Variants in ACCSL observed in about 807,000 individuals in gnomAD.
ACCSL encodes probable inactive 1-aminocyclopropane-1-carboxylate synthase-like protein 2.
A neutral mutation model predicts 61.7 loss-of-function variants in ACCSL; 55 were observed. The observed-to-expected ratio is 0.89, with a 90% CI of 0.72 to 1.12. The LOEUF (loss-of-function observed/expected upper bound fraction) is 1.12. Ranked by LOEUF, ACCSL falls within the 50% of genes most tolerant of loss-of-function variation. The pLI is 0.00. For missense variants in ACCSL, 632 were observed against 698.0 expected, an observed-to-expected ratio of 0.91 and a Z score of 1.07; for synonymous variants, 258 against 264.3, an observed-to-expected ratio of 0.98 and a Z score of 0.23.
At chr11:43,995,668 C>T in the ACCSL span, among the ~76,000 whole-genome samples, 1 of 151,970 alleles carries the variant, frequency 6.6e-6, no homozygotes, top group Non-Finnish European at 1.5e-5. Context: ...AGCTCTGTAC[C>T]CAAGTGGACA....
chr11:44,000,537 AAG>A, the ACCSL span, among the ~76,000 whole-genome samples: 1 of 146,204 alleles, frequency 6.8e-6, no homozygotes, highest in Non-Finnish European at 1.5e-5. Context: ...AAAAAAAAAA[AAG>A]AAAAGAAAAC....
chr11:43,933,905 C>T, the ACCSL span, among the ~76,000 whole-genome samples: 1 of 152,174 alleles, frequency 6.6e-6, no homozygotes, highest in African/African-American at 2.4e-5. Context: ...ACCAGCCCTG[C>T]CATGGCAGCC....
At chr11:44,058,900 C>G (rs1475706091) in intron 13 of ACCSL, among the ~76,000 whole-genome samples, 1 of 152,112 alleles carries the variant, frequency 6.6e-6, no homozygotes, top group Non-Finnish European at 1.5e-5. Flanking sequence ...TTTGGGGTAT[C>G]TGTTCTGTGA....
chr11:44,010,955 T>C, the ACCSL span, among the ~76,000 whole-genome samples: 1 of 152,204 alleles, frequency 6.6e-6, no homozygotes, highest in African/African-American at 2.4e-5. Context: ...GCAAATTGCA[T>C]GATGGAAAAG....
At chr11:43,943,313 C>A in the ACCSL span, 1 of 1,439,574 alleles carries the variant, frequency 6.9e-7, no homozygotes, top group Non-Finnish European at 9.1e-7. This position sits in a 1 kb window ranked among gnomAD's most constrained non-coding sequence, Gnocchi z 4.8. Flanking sequence ...GTCCGCGGTC[C>A]GCGCGGGGAC....
chr11:44,022,903 A>G, the ACCSL span, among the ~76,000 whole-genome samples: 11 of 152,128 alleles, frequency 7.2e-5, no homozygotes, highest in African/African-American at 2.2e-4. Context: ...GTTTGTGTTG[A>G]TTCTTCTTTA....
chr11:43,943,534 C>A, the ACCSL span: 1 of 1,326,396 alleles, frequency 7.5e-7, no homozygotes, highest in Non-Finnish European at 1.0e-6. This position sits in a 1 kb window ranked among gnomAD's most constrained non-coding sequence, Gnocchi z 4.8. Flanking sequence ...CCAGTGCGAA[C>A]TCTGCTGTGA....
the ACCSL span, among the ~76,000 whole-genome samples, chr11:43,933,605 G>A: frequency 6.6e-6 from 1 of 152,216 alleles, no homozygotes; most frequent in Non-Finnish European, 1.5e-5. Flanking sequence ...TCCCAGAAGA[G>A]GAACACTCAG....
chr11:43,981,156 T>C, the ACCSL span, among the ~76,000 whole-genome samples: 1 of 152,160 alleles, frequency 6.6e-6, no homozygotes, highest in Non-Finnish European at 1.5e-5. Context: ...ACGCCACTGA[T>C]GTGGGCAGGT....
the ACCSL span, among the ~76,000 whole-genome samples, chr11:43,987,792 G>T: frequency 6.6e-6 from 1 of 152,324 alleles, no homozygotes; most frequent in East Asian, 1.9e-4. Context: ...CCAGCGCTCG[G>T]GGGGGTCAAG....
At chr11:43,951,911 G>A in the ACCSL span, among the ~76,000 whole-genome samples, 1 of 152,180 alleles carries the variant, frequency 6.6e-6, no homozygotes, top group East Asian at 1.9e-4. Context: ...TGAGGCAGGA[G>A]AATCACTTGA....
the ACCSL span, chr11:43,922,158 T>G: frequency 3.3e-5 from 5 of 152,362 alleles, no homozygotes; most frequent in African/African-American, 9.6e-5. Flanking sequence ...TCTTCTGAGC[T>G]TCAGCAGGCA....
chr11:44,045,833 C>T (rs965730075), upstream of ACCSL, among the ~76,000 whole-genome samples: 1 of 152,176 alleles, frequency 6.6e-6, no homozygotes, highest in African/African-American at 2.4e-5. Context: ...AAAGAGCTGT[C>T]CCATCTTTGA....
chr11:43,933,198 G>A, the ACCSL span: 3 of 455,938 alleles, frequency 6.6e-6, no homozygotes, highest in African/African-American at 6.0e-5. Context: ...TCATGGTTTG[G>A]TAGGAGCAGC....
the ACCSL span, among the ~76,000 whole-genome samples, chr11:44,006,499 A>AT: frequency 1.2e-3 from 103 of 89,350 alleles, no homozygotes; most frequent in Middle Eastern, 6.1e-3. Flanking sequence ...CCTCTTTGAG[A>AT]TTTTTTTTTT....
the ACCSL span, among the ~76,000 whole-genome samples, chr11:43,979,568 G>A: frequency 1.3e-3 from 191 of 152,190 alleles, no homozygotes; most frequent in African/African-American, 4.5e-3. Context: ...CTCATTTTAT[G>A]CCCTGAATAG....
At chr11:44,009,713 C>T in the ACCSL span, among the ~76,000 whole-genome samples, 8 of 151,916 alleles carry the variant, frequency 5.3e-5, no homozygotes, top group South Asian at 2.1e-4. Flanking sequence ...TGCAGTGAGC[C>T]GTGATCGCAC....
chr11:44,042,626 G>A, the ACCSL span, among the ~76,000 whole-genome samples: 1 of 40,326 alleles, frequency 2.5e-5, no homozygotes, highest in Admixed American at 2.4e-4. Flanking sequence ...CTTCCTGGTT[G>A]TTTTTTTTTT....
chr11:44,025,866 C>T, the ACCSL span, among the ~76,000 whole-genome samples: 1 of 152,180 alleles, frequency 6.6e-6, no homozygotes, highest in Non-Finnish European at 1.5e-5. Flanking sequence ...AATATGTTAT[C>T]CCCATGCCTT....
Sources: gnomAD v4.1 joint callset for allele counts (sites outside exome capture counted in the v4.1 genomes callset) on GRCh38, gnomAD v4.1.1 for gene constraint, Gnocchi (gnomAD v3.1) non-coding constraint, MANE v1.5 for transcripts, NCBI Gene and HGNC (gene_info 2026-07-23, HGNC 2026-07-21) for gene names.